Variants in PDCD2 observed in about 807,000 individuals in gnomAD.
The protein encoded by PDCD2 is uS5 assembly chaperone PDCD2.
A neutral mutation model predicts 38.1 loss-of-function variants in PDCD2; 38 were observed. That is an observed-to-expected ratio of 1.00 (90% CI 0.77 to 1.31). The LOEUF is 1.31. Ranked by LOEUF, PDCD2 falls within the 50% of genes most tolerant of loss-of-function variation. The pLI, the probability that PDCD2 is intolerant of heterozygous loss-of-function variation, is 0.00. For missense variants in PDCD2, 473 were observed against 435.7 expected, an observed-to-expected ratio of 1.09 and a Z score of -0.76; for synonymous variants, 205 against 168.9, an observed-to-expected ratio of 1.21 and a Z score of -1.66.
At position 170,583,719 on chromosome 6, in the gene PDCD2, G is replaced by A; in HGVS notation, c.312C>T (p.Asn104=). ...AAGGTGGCTCATATGAGTAAAAATCGTTTTTCCTGGGTAGTTGATTCCTAA... is the reference window on the plus strand; with the variant it reads ...AAGGTGGCTCATATGAGTAAAAATCATTTTTCCTGGGTAGTTGATTCCTAA... ...RVFRNQLPRK[N]DFYSYEPPSE... The change falls in exon 2 of 6, where the codon AAC becomes AAT. Residue 104 remains asparagine (N), a synonymous_variant. Transcript: ENST00000541970. 2 of 1,612,546 alleles carry A rather than the reference G, an allele frequency of 1.2e-6. No homozygotes were observed. The highest frequency in any genetic ancestry group is 8.5e-7 in the Non-Finnish European group (1 of 1,178,890).
At chr6:170,582,259 T>C in intron 3 of PDCD2, 1 of 1,465,606 alleles carries the variant, frequency 6.8e-7, no homozygotes, top group Non-Finnish European at 9.2e-7. Flanking sequence ...TGCTTCCCAT[T>C]ATATCCCTGT....
At chr6:170,578,646 G>GT (rs1410212574) in intron 5 of PDCD2, 6 of 703,250 alleles carry the variant, frequency 8.5e-6, no homozygotes, top group Admixed American at 2.0e-5. Flanking sequence ...TCAATAGACC[G>GT]TGTCTGAAAA....
rs1779755091 is a variant in PDCD2 at position 170,584,531 on chromosome 6, C to T, written c.51G>A (p.Ala17=). ...GCTCGCTGCGCAGTCGCCACGCCGG[C>T]GCCGACTCGGCGAAGCCCAGCTCCA... ...RPVELGFAES[A]PAWRLRSEQF... Residue 17 remains alanine, a synonymous_variant, in exon 1 of 6, where the codon GCG becomes GCA. Transcript: ENST00000541970. The T allele has an allele frequency of 5.1e-6, 7 of 1,363,818 alleles. No homozygotes were observed. The South Asian group carries it at 1.0e-4, about 20-fold the overall frequency. The allele number at this position is 1,363,818 out of a possible 1,614,324, so 84.5% of individuals were successfully genotyped here.
chr6:170,579,237 C>G (rs1779528023), intron 4 of PDCD2: 3 of 408,894 alleles, frequency 7.3e-6, no homozygotes, highest in Non-Finnish European at 1.3e-5. Flanking sequence ...ATGTTGGCAA[C>G]TTAATCCTAT....
rs56926064 is a variant in PDCD2 at position 170,580,060 on chromosome 6, G to A, written c.704C>T (p.Ser235Phe). Reference protein sequence around the residue: ...EELDSMAKHESREDKIFQKFK... With the variant: ...EELDSMAKHEFREDKIFQKFK... ...CTTCTGAAAAATTTTATCTTCCCTG[G>A]ATTCATGTTTTGCCATGGAATCCAG... Residue 235 changes from serine to phenylalanine, a missense_variant, in exon 4 of 6, where the codon TCC becomes TTC. Physicochemically the swap from Ser to Phe is radical, Grantham distance 155. Transcript: ENST00000541970. 2 of 1,612,254 alleles carry A rather than the reference G, an allele frequency of 1.2e-6. No homozygotes were observed. Among genetic ancestry groups the A allele is most frequent in the African/African-American group, 1.3e-5 (1 of 74,976 alleles).
chr6:170,583,821 A>G, intron 1 of PDCD2, 74 bp from the exon 2 acceptor site: 1 of 1,129,876 alleles, frequency 8.9e-7, no homozygotes, highest in East Asian at 2.6e-5. Context: ...TCTGCACGTA[A>G]AACTGAAAAT....
At chr6:170,580,541 C>G (rs1203622689) in intron 3 of PDCD2, among the ~76,000 whole-genome samples, 1 of 152,118 alleles carries the variant, frequency 6.6e-6, no homozygotes, top group African/African-American at 2.4e-5. Context: ...ATGGTGAAAT[C>G]CCGTATCTAC....
In PDCD2 at chr6:170,584,366, C is replaced by A; in HGVS notation, c.216G>T (p.Pro72=). ...LQVYAPLPGR[P]DAFHRCIFLF... is the part of the protein sequence containing the mutation. ...GGAAGATGCAGCGGTGGAAGGCGTC[C>A]GGGCGGCCAGGCAGCGGCGCATACA... is the stretch of plus-strand genomic sequence containing the variant. Residue 72 remains proline (P), a synonymous_variant, in exon 1 of 6, where the codon CCG becomes CCT. Coordinates refer to ENST00000541970, the MANE Select transcript of PDCD2 (RefSeq NM_002598.4). 6.7e-7 allele frequency: 1 copy of A among 1,495,694 alleles called. No individual in the cohort carries two copies. Among genetic ancestry groups the A allele is most frequent in the Admixed American group, 2.2e-5 (1 of 46,134 alleles). 92.7% of individuals were successfully genotyped at this position (1,495,694 alleles called of 1,614,324 possible). A position where few individuals can be genotyped will look rare whatever the true frequency, so the allele number is the denominator to read the frequency against.
chr6:170,584,597 G>C lies in PDCD2; in HGVS notation c.-16C>G. The C allele has an allele frequency of 8.0e-7, 1 of 1,246,062 alleles. No individual in the cohort carries two copies. The allele number at this position is 1,246,062 out of a possible 1,614,324, so 77.2% of individuals were successfully genotyped here. On this transcript the variant is annotated 5_prime_UTR_variant, in exon 1 of 6. Coordinates refer to ENST00000541970, the MANE Select transcript of PDCD2 (RefSeq NM_002598.4). ...CGGCAGCCATGCGGGGCGCGGGCTGGCGTGGGGCGCAGCCCACAGCTGGGT... is the reference window on the plus strand; with the variant it reads ...CGGCAGCCATGCGGGGCGCGGGCTGCCGTGGGGCGCAGCCCACAGCTGGGT...
chr6:170,583,662 T>A lies in PDCD2; in HGVS notation c.369A>T (p.Ser123=). 1 of 1,614,106 alleles carries A rather than the reference T, an allele frequency of 6.2e-7. No homozygotes were observed. The highest frequency in any genetic ancestry group is 8.5e-7 in the Non-Finnish European group (1 of 1,179,968). Residue 123 remains serine, a synonymous_variant, in exon 2 of 6, where the codon TCA becomes TCT. Coordinates refer to ENST00000541970, the MANE Select transcript of PDCD2 (RefSeq NM_002598.4). The stretch of plus-strand genomic sequence containing the variant: ...CACCAGACTTAAGCTGGAGACACAC[T>A]GATTCTCCTGTTTCTGGGGGAGGAT... ...SENPPPETGE[S]VCLQLKSGAH...
rs376668700 is a variant in PDCD2 at position 170,584,248 on chromosome 6, C to G, written c.283+51G>C. On this transcript the variant is annotated intron_variant, in intron 1 of 5. Transcript: ENST00000541970. ...CCCTGGTCGCTCCCGGAATTAACGC[C>G]GCGCACGCGTCGGAGGCATGGCCCC... 704 of 1,342,876 alleles carry G rather than the reference C, an allele frequency of 5.2e-4. 4 individuals are homozygous for G. The African/African-American group carries it at 9.9e-3, about 19-fold the overall frequency. 83.2% of individuals were successfully genotyped at this position (1,342,876 alleles called of 1,614,324 possible).
At chr6:170,577,785 GGAT>G in intron 5 of PDCD2, 68 bp from the exon 6 acceptor site, 2 of 1,465,662 alleles carry the variant, frequency 1.4e-6, no homozygotes, top group Non-Finnish European at 1.9e-6. Context: ...TTCTCAGCCA[GGAT>G]GATTATAGGG....
intron 2 of PDCD2, 96 bp downstream of exon 2, chr6:170,583,409 T>A: frequency 7.2e-7 from 1 of 1,394,452 alleles, no homozygotes; most frequent in Non-Finnish European, 9.8e-7. Flanking sequence ...TAAAGTACTA[T>A]ACCTTTCCTA....
Position 170,575,882 on chromosome 6 carries a change from A to G in PDCD2, c.*1677T>C, listed in dbSNP as rs1320855730. ...CCCCAAATAACAGTTTTTACCATAG[A>G]AAGATCGTTAACATGTTTGCTTTAA... On this transcript the variant is annotated 3_prime_UTR_variant, in exon 6 of 6. Coordinates refer to ENST00000541970, the MANE Select transcript of PDCD2 (RefSeq NM_002598.4). 6.6e-6 allele frequency: 1 copy of G among 152,232 alleles called. No homozygotes were observed. Among genetic ancestry groups the G allele is most frequent in the African/African-American group, 2.4e-5 (1 of 41,466 alleles). 9.4% of individuals were successfully genotyped at this position (152,232 alleles called of 1,614,324 possible). A position where few individuals can be genotyped will look rare whatever the true frequency, so the allele number is the denominator to read the frequency against.
At chr6:170,579,099 TCCC>T (rs1224621505) in intron 4 of PDCD2, 129 bp from the exon 5 acceptor site, 2 of 606,100 alleles carry the variant, frequency 3.3e-6, no homozygotes, top group Admixed American at 3.4e-5. Context: ...ATGTCACAGT[TCCC>T]CCATCAGACC....
At chr6:170,580,474 G>C (rs561045528) in intron 3 of PDCD2, among the ~76,000 whole-genome samples, 78 of 152,298 alleles carry the variant, frequency 5.1e-4, no homozygotes, top group African/African-American at 1.9e-3. Flanking sequence ...CAGTACTTTG[G>C]GAGGCCGAGG....
intron 5 of PDCD2, 200 bp downstream of exon 5, chr6:170,578,657 C>G (rs1436567090): frequency 1.4e-6 from 1 of 703,644 alleles, no homozygotes. Context: ...TGTCTGAAAA[C>G]TAGGAAACAG....
chr6:170,580,018 GCTAT>G lies in PDCD2; in HGVS notation c.742_745del (p.Ile248ProfsTer50), dbSNP rs773552634. ...CCACTTTACCTGTTCTGGTTCAAGGGCTATCTGAGTTTTAAACTTCTGAAAAATT... is the reference window on the plus strand; with the variant it reads ...CCACTTTACCTGTTCTGGTTCAAGGGCTGAGTTTTAAACTTCTGAAAAATT... On this transcript the variant is annotated frameshift_variant, in exon 4 of 6. Coordinates refer to ENST00000541970, the MANE Select transcript of PDCD2 (RefSeq NM_002598.4). LOFTEE classifies it high-confidence loss of function. 7.1e-5 allele frequency: 112 copies of G among 1,581,190 alleles called. No homozygotes were observed. Among genetic ancestry groups the G allele is most frequent in the Admixed American group, 2.0e-4 (12 of 59,972 alleles).
chr6:170,578,769 A>C, intron 5 of PDCD2, 88 bp downstream of exon 5: 1 of 839,198 alleles, frequency 1.2e-6, no homozygotes, highest in Admixed American at 1.7e-5. Context: ...ATGTTGACCC[A>C]TGTGCACAAA....
Sources: allele counts gnomAD v4.1 joint callset (sites outside exome capture counted in the v4.1 genomes callset), GRCh38; gene constraint gnomAD v4.1.1; transcripts MANE v1.5; gene names NCBI Gene and HGNC (gene_info 2026-07-23, HGNC 2026-07-21).